The following CALD1 variants were observed in gnomAD, a reference collection of about 807,000 sequenced individuals.
CALD1 encodes the protein caldesmon.
Under a neutral mutation model 99.9 loss-of-function variants are expected in CALD1, and 33 were observed. The observed-to-expected ratio is 0.33, with a 90% CI of 0.25 to 0.44. The LOEUF is 0.44. Among genes scored for constraint, CALD1 ranks in the 20% least tolerant of loss-of-function variants. CALD1 has a pLI of 1.00. For missense variants in CALD1, 861 were observed against 962.1 expected, an observed-to-expected ratio of 0.89 and a Z score of 1.39; for synonymous variants, 310 against 325.0, an observed-to-expected ratio of 0.95 and a Z score of 0.50.
chr7:134,726,056 GAC>G, the CALD1 span, among the ~76,000 whole-genome samples: 1 of 152,088 alleles, frequency 6.6e-6, no homozygotes, highest in African/African-American at 2.4e-5. Flanking sequence ...AGCATTAGAA[GAC>G]TAATACACCA....
chr7:134,803,768 T>C (rs1798033349), intron 1 of CALD1, among the ~76,000 whole-genome samples: 1 of 150,812 alleles, frequency 6.6e-6, no homozygotes, highest in Non-Finnish European at 1.5e-5. Flanking sequence ...CAATCTCGGC[T>C]CGCTGCAACC....
At chr7:134,727,860 T>C in the CALD1 span, among the ~76,000 whole-genome samples, 2 of 152,214 alleles carry the variant, frequency 1.3e-5, no homozygotes, top group Admixed American at 6.5e-5. Flanking sequence ...TGGGACCTAG[T>C]GCAGAAGAAG....
At chr7:134,743,044 C>T (rs552790153), upstream of CALD1, among the ~76,000 whole-genome samples, 2 of 152,334 alleles carry the variant, frequency 1.3e-5, no homozygotes, top group East Asian at 3.9e-4. Context: ...ATCTTATACT[C>T]ATAGGAAAAG....
intron 1 of CALD1, among the ~76,000 whole-genome samples, chr7:134,766,430 G>A (rs926712873): frequency 2.6e-5 from 4 of 152,142 alleles, no homozygotes; most frequent in Non-Finnish European, 5.9e-5. Flanking sequence ...ACAGGCATGA[G>A]CCACCGCACC....
At chr7:134,962,708 T>C (rs1808370492) in intron 13 of CALD1, 1 of 401,842 alleles carries the variant, frequency 2.5e-6, no homozygotes, top group South Asian at 1.9e-5. Flanking sequence ...AGTATGTCTG[T>C]TTGAGCTGGT....
chr7:134,967,656 G>C (rs768054331), intron 14 of CALD1, among the ~76,000 whole-genome samples: 1 of 152,048 alleles, frequency 6.6e-6, no homozygotes, highest in African/African-American at 2.4e-5. Context: ...CTATTCAGTC[G>C]CATGTGCCTG....
At chr7:134,954,474 T>C (rs1807613802) in intron 9 of CALD1, among the ~76,000 whole-genome samples, 3 of 152,228 alleles carry the variant, frequency 2.0e-5, no homozygotes, top group African/African-American at 4.8e-5. Context: ...TCAGTACAAA[T>C]TGTTTAGAGC....
intron 1 of CALD1, among the ~76,000 whole-genome samples, chr7:134,820,658 A>C (rs1452795185): frequency 2.6e-5 from 4 of 152,214 alleles, no homozygotes; most frequent in Non-Finnish European, 5.9e-5. Flanking sequence ...AATTAATATC[A>C]TTTAAAAATT....
upstream of CALD1, among the ~76,000 whole-genome samples, chr7:134,743,748 C>T (rs2347721): frequency 0.58 from 88,947 of 152,082 alleles, 26,771 homozygotes; most frequent in East Asian, 0.86. Context: ...AACTTCTGTC[C>T]ACTTTTTGTT....
chr7:134,711,678 A>ATGTGTGTGTGTG, the CALD1 span, among the ~76,000 whole-genome samples: 1 of 54,804 alleles, frequency 1.8e-5, no homozygotes, highest in African/African-American at 5.1e-5. Context: ...ATATATATAT[A>ATGTGTGTGTGTG]TATGTGTGTG....
At chr7:134,727,169 G>A in the CALD1 span, among the ~76,000 whole-genome samples, 1 of 152,216 alleles carries the variant, frequency 6.6e-6, no homozygotes, top group African/African-American at 2.4e-5. Context: ...GAAACCTGAA[G>A]AGGGTACAGA....
intron 6 of CALD1, among the ~76,000 whole-genome samples, chr7:134,940,700 C>T (rs1329734483): frequency 2.6e-5 from 4 of 152,156 alleles, no homozygotes; most frequent in African/African-American, 7.2e-5. Flanking sequence ...CAGGAAGAAA[C>T]CTGTCTAAGC....
intron 2 of CALD1, among the ~76,000 whole-genome samples, chr7:134,864,771 A>G (rs999201427): frequency 6.6e-6 from 1 of 152,180 alleles, no homozygotes; most frequent in African/African-American, 2.4e-5. Context: ...AGAAAATCCT[A>G]TCTATGAGAA....
At chr7:134,887,843 T>C (rs921840548) in intron 3 of CALD1, among the ~76,000 whole-genome samples, 1 of 151,758 alleles carries the variant, frequency 6.6e-6, no homozygotes, top group East Asian at 1.9e-4. Flanking sequence ...CATTCGTGTA[T>C]GTGTGTGTGC....
At chr7:134,902,753 C>T (rs922675895) in intron 3 of CALD1, among the ~76,000 whole-genome samples, 35 of 152,188 alleles carry the variant, frequency 2.3e-4, no homozygotes, top group African/African-American at 8.5e-4. Flanking sequence ...CCTGAATAAA[C>T]AGTACAAGGT....
chr7:134,956,893 C>T (rs548425906), intron 9 of CALD1, among the ~76,000 whole-genome samples: 2 of 152,152 alleles, frequency 1.3e-5, no homozygotes, highest in South Asian at 4.2e-4. Flanking sequence ...ATGGATTCAA[C>T]AAATATTTGC....
intron 3 of CALD1, among the ~76,000 whole-genome samples, chr7:134,918,568 G>T (rs935607139): frequency 6.6e-6 from 1 of 152,202 alleles, no homozygotes; most frequent in Non-Finnish European, 1.5e-5. Context: ...TAAAATTCAG[G>T]CTGGTGCTTA....
intron 8 of CALD1, among the ~76,000 whole-genome samples, chr7:134,950,139 C>G (rs1329544883): frequency 6.6e-6 from 1 of 152,178 alleles, no homozygotes; most frequent in African/African-American, 2.4e-5. Flanking sequence ...AGCCACAGAG[C>G]AGATAAATAA....
chr7:134,916,434 A>G (rs1198327017), intron 3 of CALD1, among the ~76,000 whole-genome samples: 1 of 152,250 alleles, frequency 6.6e-6, no homozygotes, highest in Non-Finnish European at 1.5e-5. Context: ...GAAAAATGAG[A>G]GTGGAAGCAG....
Sources: allele counts gnomAD v4.1 joint callset (sites outside exome capture counted in the v4.1 genomes callset), GRCh38; gene constraint gnomAD v4.1.1; transcripts MANE v1.5; gene names NCBI Gene and HGNC (gene_info 2026-07-23, HGNC 2026-07-21).